SNTG1: variants seen among roughly 807,000 people sequenced by gnomAD.
SNTG1 encodes the protein syntrophin gamma 1, also known as gamma-1-syntrophin.
SNTG1 carries 39 observed loss-of-function variants against 74.7 expected under a neutral mutation model. That is an observed-to-expected ratio of 0.52 (90% CI 0.40 to 0.68). SNTG1 has a LOEUF of 0.68. Ranked by LOEUF, SNTG1 falls within the 30% of genes least tolerant of loss-of-function variation. The probability of loss-of-function intolerance (pLI) is 0.00; values close to 1 mark genes in which losing one functional copy is unlikely to be tolerated. For synonymous variants in SNTG1, 254 were observed against 217.1 expected (o/e 1.17, Z -1.49); for missense variants, 685 against 609.5 (o/e 1.12, Z -1.30).
At chr8:50,100,912 T>A (rs955210120) in intron 1 of SNTG1, among the ~76,000 whole-genome samples, 2 of 152,126 alleles carry the variant, frequency 1.3e-5, no homozygotes. Context: ...AATAGTCAGT[T>A]TTTTCATCCT....
intron 13 of SNTG1, among the ~76,000 whole-genome samples, chr8:50,592,024 T>C (rs1294890495): frequency 6.6e-6 from 1 of 152,188 alleles, no homozygotes; most frequent in Non-Finnish European, 1.5e-5. Context: ...ATGTTCCCTT[T>C]GTTGCTCCCA....
At chr8:50,709,862 T>C (rs958424885) in intron 17 of SNTG1, among the ~76,000 whole-genome samples, 1 of 152,196 alleles carries the variant, frequency 6.6e-6, no homozygotes, top group African/African-American at 2.4e-5. Flanking sequence ...TTGTTCCTTC[T>C]CACTAATTTT....
chr8:50,396,894 G>A (rs1184206956), intron 3 of SNTG1, among the ~76,000 whole-genome samples: 1 of 152,162 alleles, frequency 6.6e-6, no homozygotes, highest in Non-Finnish European at 1.5e-5. Context: ...TGTGAGAGAA[G>A]TTAAATGTGA....
intron 1 of SNTG1, among the ~76,000 whole-genome samples, chr8:50,019,741 G>T (rs1306035322): frequency 6.6e-6 from 1 of 152,042 alleles, no homozygotes; most frequent in Non-Finnish European, 1.5e-5. Context: ...AGAGTAATAT[G>T]ATAATGAGGA....
chr8:50,530,305 T>C (rs1253365513), intron 10 of SNTG1, 46 bp downstream of exon 10: 1 of 1,565,292 alleles, frequency 6.4e-7, no homozygotes, highest in Non-Finnish European at 8.8e-7. Context: ...AGATAACACA[T>C]AGCTTATAAA....
At chr8:50,079,425 G>C (rs1273853369) in intron 1 of SNTG1, among the ~76,000 whole-genome samples, 4 of 144,190 alleles carry the variant, frequency 2.8e-5, no homozygotes, top group Non-Finnish European at 6.1e-5. Flanking sequence ...TTTTTTTCTT[G>C]TAAATTTGTT....
chr8:50,686,338 G>A (rs1392668634), intron 15 of SNTG1, among the ~76,000 whole-genome samples: 2 of 152,122 alleles, frequency 1.3e-5, no homozygotes, highest in African/African-American at 4.8e-5. Flanking sequence ...CTTCTAAAGC[G>A]GGAAACTTAT....
chr8:50,154,340 T>C (rs2082180081), intron 1 of SNTG1, among the ~76,000 whole-genome samples: 1 of 152,090 alleles, frequency 6.6e-6, no homozygotes, highest in Admixed American at 6.5e-5. Flanking sequence ...CCGCTTCCCT[T>C]GGCTAGGAAA....
At chr8:50,422,194 T>A (rs572247486) in intron 4 of SNTG1, among the ~76,000 whole-genome samples, 1 of 152,104 alleles carries the variant, frequency 6.6e-6, no homozygotes, top group Non-Finnish European at 1.5e-5. Context: ...TTCAAATATG[T>A]CAACATATAT....
intron 13 of SNTG1, among the ~76,000 whole-genome samples, chr8:50,602,380 C>T (rs1414512079): frequency 1.3e-5 from 2 of 151,942 alleles, no homozygotes; most frequent in Non-Finnish European, 2.9e-5. Context: ...TTGCATAAAC[C>T]AAAACTAATA....
At chr8:50,730,107 T>A (rs1183198251) in intron 17 of SNTG1, among the ~76,000 whole-genome samples, 4 of 152,090 alleles carry the variant, frequency 2.6e-5, no homozygotes, top group African/African-American at 7.2e-5. Context: ...AAAATTTCAA[T>A]CCAGAATATT....
At chr8:50,503,875 G>T (rs2093984458) in intron 9 of SNTG1, among the ~76,000 whole-genome samples, 1 of 152,116 alleles carries the variant, frequency 6.6e-6, no homozygotes, top group South Asian at 2.1e-4. Flanking sequence ...AAGTTCAGGG[G>T]TACAAATGCA....
At chr8:49,976,109 A>T (rs1417043436) in intron 1 of SNTG1, among the ~76,000 whole-genome samples, 1 of 152,156 alleles carries the variant, frequency 6.6e-6, no homozygotes, top group African/African-American at 2.4e-5. Context: ...GTCTCAATTT[A>T]CCCCAGAAGC....
intron 10 of SNTG1, among the ~76,000 whole-genome samples, chr8:50,536,266 C>T (rs544463694): frequency 4.8e-4 from 73 of 152,236 alleles, no homozygotes; most frequent in African/African-American, 1.5e-3. Context: ...TATGATTGTG[C>T]TTGGCACTCA....
chr8:50,217,419 G>C (rs2084845437), intron 2 of SNTG1, among the ~76,000 whole-genome samples: 1 of 151,918 alleles, frequency 6.6e-6, no homozygotes, highest in Non-Finnish European at 1.5e-5. Flanking sequence ...TCTATTTCCT[G>C]ACCTTTGCAA....
intron 2 of SNTG1, among the ~76,000 whole-genome samples, chr8:50,245,930 C>T (rs1329567460): frequency 6.6e-6 from 1 of 151,906 alleles, no homozygotes; most frequent in Non-Finnish European, 1.5e-5. Context: ...ACATCAATGC[C>T]TATCCCTTTT....
intron 5 of SNTG1, among the ~76,000 whole-genome samples, chr8:50,442,165 G>T (rs567480051): frequency 6.6e-6 from 1 of 152,298 alleles, no homozygotes; most frequent in Middle Eastern, 3.4e-3. Flanking sequence ...AAAGTGAAAA[G>T]AAATCCTTTT....
intron 2 of SNTG1, among the ~76,000 whole-genome samples, chr8:50,215,523 G>C (rs999736928): frequency 2.7e-5 from 4 of 148,874 alleles, no homozygotes; most frequent in Non-Finnish European, 5.9e-5. Context: ...GTTGAGATTA[G>C]TTTAAGATAT....
At chr8:50,071,569 C>T (rs997395933) in intron 1 of SNTG1, among the ~76,000 whole-genome samples, 51 of 152,012 alleles carry the variant, frequency 3.4e-4, no homozygotes, top group African/African-American at 1.2e-3. Flanking sequence ...ACCTCCACTT[C>T]CCAGGTTCAA....
Sources: gnomAD v4.1 joint callset for allele counts (sites outside exome capture counted in the v4.1 genomes callset) on GRCh38, gnomAD v4.1.1 for gene constraint, MANE v1.5 for transcripts, NCBI Gene and HGNC (gene_info 2026-07-23, HGNC 2026-07-21) for gene names.